Variants in CTCF observed in about 807,000 individuals in gnomAD.
The protein encoded by CTCF is CCCTC-binding factor.
Under a neutral mutation model 72.3 loss-of-function variants are expected in CTCF, and 7 were observed. The observed-to-expected ratio is 0.10, with a 90% CI of 0.06 to 0.18. The LOEUF (loss-of-function observed/expected upper bound fraction) is 0.18, where lower values mean the gene tolerates loss of function less well. Ranked by LOEUF, CTCF falls within the 10% of genes least tolerant of loss-of-function variation. The pLI is 1.00. For synonymous variants in CTCF, 374 were observed against 315.8 expected (o/e 1.18, Z -1.95); for missense variants, 516 against 949.1 (o/e 0.54, Z 6.00).
chr16:67,620,931 A>G (rs558810821), intron 6 of CTCF, 114 bp downstream of exon 6: 2 of 803,536 alleles, frequency 2.5e-6, no homozygotes, highest in Non-Finnish European at 3.6e-6. Flanking sequence ...CTGGCATGAA[A>G]ATAGTATGGA....
Position 67,572,805 on chromosome 16 carries a change from T to C in CTCF, c.-10+1541T>C, listed in dbSNP as rs1183594231. ...AAATATAAAAACTAGCCGAGTGTGG[T>C]GGTGGGTGCCTGTAATCCCAGCTAC... On this transcript the variant is annotated intron_variant, in intron 2 of 11. Transcript: ENST00000264010. 2.7e-5 allele frequency among the ~76,000 whole-genome samples: 4 copies of C among 148,942 alleles called. No homozygotes were observed. The Admixed American group carries it at 2.7e-4, about 10-fold the overall frequency.
At position 67,584,337 on chromosome 16, in the gene CTCF, C is replaced by CTTCTTTTTT. The variant is rs1462998203; in HGVS notation, c.-10+13075_-10+13076insCTTTTTTTT. ...CTCCTTCTCAAAAAAAAAAAGTCTT[C>CTTCTTTTTT]TTTTTTTTTTTTTTTTTTTTTGAGA... On this transcript the variant is annotated intron_variant, in intron 2 of 11. Coordinates refer to ENST00000264010, the MANE Select transcript of CTCF (RefSeq NM_006565.4). Among the ~76,000 whole-genome samples the CTTCTTTTTT allele has an allele frequency of 7.1e-4, 75 of 105,840 alleles. 2 individuals are homozygous for CTTCTTTTTT. Among genetic ancestry groups the CTTCTTTTTT allele is most frequent in the Non-Finnish European group, 1.0e-3 (55 of 54,318 alleles). The allele number at this position is 105,840 out of a possible 152,430, so 69.4% of individuals were successfully genotyped here.
chr16:67,621,580 A>G lies in CTCF; in HGVS notation c.1346A>G (p.Lys449Arg). 1.9e-6 allele frequency: 3 copies of G among 1,605,300 alleles called. No homozygotes were observed. The highest frequency in any genetic ancestry group is 2.6e-6 in the Non-Finnish European group (3 of 1,172,816). ...CPHCDTVIAR[K>R]SDLGVHLRKQ... The stretch of plus-strand genomic sequence containing the variant: ...CACTGTGACACAGTCATAGCCCGAA[A>G]AAGTGATTTGGGTAAGTAGATTAAC... Residue 449 changes from lysine to arginine, a missense_variant, in exon 7 of 12, where the codon AAA (lysine) becomes AGA (arginine). Lys to Arg is a conservative substitution (Grantham distance 26, BLOSUM62 2). This residue lies in a region of CTCF where 81 missense variants were observed against 184.3 expected (regional missense o/e 0.44). Coordinates refer to ENST00000264010, the MANE Select transcript of CTCF (RefSeq NM_006565.4).
rs111735986 is a variant in CTCF at position 67,610,546 on chromosome 16, G to A, written c.-9-278G>A. 4,314 of 160,470 alleles carry A rather than the reference G, an allele frequency of 0.027. 226 individuals are homozygous for A. The highest frequency in any genetic ancestry group is 0.098 in the African/African-American group (4,073 of 41,664). 9.9% of individuals were successfully genotyped at this position (160,470 alleles called of 1,614,324 possible). A position where few individuals can be genotyped will look rare whatever the true frequency, so the allele number is the denominator to read the frequency against. ...TTTTTTTGTATTTTTAGTAGAGACG[G>A]GGTTTCACCGTGTTAGCCAGGATGT... On this transcript the variant is annotated intron_variant, in intron 2 of 11. Coordinates refer to ENST00000264010, the MANE Select transcript of CTCF (RefSeq NM_006565.4).
intron 2 of CTCF, among the ~76,000 whole-genome samples, chr16:67,597,342 T>G (rs1417129037): frequency 1.4e-5 from 2 of 143,610 alleles, no homozygotes; most frequent in Non-Finnish European, 3.0e-5. Context: ...CCACTAATGC[T>G]TTTTTTTTTT....
chr16:67,580,331 T>TCCTGAGTA (rs1301554946), intron 2 of CTCF, among the ~76,000 whole-genome samples: 1 of 151,926 alleles, frequency 6.6e-6, no homozygotes, highest in Non-Finnish European at 1.5e-5. Context: ...GGCCTCAAGC[T>TCCTGAGTA]CCTGAGTAGC....
intron 4 of CTCF, chr16:67,612,588 TAAAAA>T (rs971891665): frequency 6.9e-6 from 1 of 144,830 alleles, no homozygotes; most frequent in Non-Finnish European, 1.5e-5. Context: ...AGTCTCCGTC[TAAAAA>T]AAAAGAAAAG....
intron 10 of CTCF, among the ~76,000 whole-genome samples, chr16:67,636,395 A>G (rs35756542): frequency 2.0e-5 from 3 of 150,628 alleles, no homozygotes; most frequent in East Asian, 3.9e-4. Context: ...GAAGGAAAAA[A>G]AAATTACCTG....
At chr16:67,607,973 C>G (rs1320093125) in intron 2 of CTCF, among the ~76,000 whole-genome samples, 1 of 145,386 alleles carries the variant, frequency 6.9e-6, no homozygotes, top group Non-Finnish European at 1.5e-5. Flanking sequence ...GAGCCAAGAT[C>G]ACGCCATTGC....
intron 2 of CTCF, among the ~76,000 whole-genome samples, chr16:67,574,867 C>T (rs2051474061): frequency 6.7e-6 from 1 of 150,136 alleles, no homozygotes; most frequent in Non-Finnish European, 1.5e-5. Flanking sequence ...CCTTGTCAGC[C>T]AGGATGGTCT....
chr16:67,597,085 G>A (rs1369887565), intron 2 of CTCF, among the ~76,000 whole-genome samples: 2 of 152,082 alleles, frequency 1.3e-5, no homozygotes, highest in Non-Finnish European at 2.9e-5. Flanking sequence ...CCAGGCTGGA[G>A]TACAATGGCA....
chr16:67,574,723 A>G (rs12917971), intron 2 of CTCF, among the ~76,000 whole-genome samples: 88 of 140,772 alleles, frequency 6.3e-4, no homozygotes, highest in Admixed American at 1.2e-3. Flanking sequence ...CAGTGGTGCA[A>G]TCTTGGCTCA....
intron 2 of CTCF, among the ~76,000 whole-genome samples, chr16:67,592,882 C>T (rs1445994854): frequency 4.0e-5 from 6 of 151,444 alleles, no homozygotes; most frequent in African/African-American, 4.9e-5. Context: ...CAAAAATTAG[C>T]GGGGCACAGT....
Position 67,587,100 on chromosome 16 carries a change from ATTT to A in CTCF, c.-10+15857_-10+15859del, listed in dbSNP as rs754060008. 4.9e-4 allele frequency among the ~76,000 whole-genome samples: 48 copies of A among 98,734 alleles called. 1 individual carries two copies. Among genetic ancestry groups the A allele is most frequent in the African/African-American group, 1.4e-3 (39 of 27,166 alleles). 64.8% of individuals were successfully genotyped at this position (98,734 alleles called of 152,430 possible). On this transcript the variant is annotated intron_variant, in intron 2 of 11. Coordinates refer to ENST00000264010, the MANE Select transcript of CTCF (RefSeq NM_006565.4). ...TTTTAGGGTAGGTAACTTCTTAAAC[ATTT>A]TTTTTTTTTTTTTTTTTTTTGGAGA... is the stretch of plus-strand genomic sequence containing the variant.
intron 2 of CTCF, among the ~76,000 whole-genome samples, chr16:67,591,048 T>G (rs1040002140): frequency 4.0e-5 from 6 of 150,650 alleles, no homozygotes; most frequent in African/African-American, 1.5e-4. Context: ...ATCCCAGCAC[T>G]TTGGGAGGCC....
At chr16:67,631,056 G>A (rs747764780) in intron 10 of CTCF, among the ~76,000 whole-genome samples, 18 of 152,048 alleles carry the variant, frequency 1.2e-4, no homozygotes. Context: ...TTTTGCACTG[G>A]TTGTCAGTAG....
At chr16:67,626,044 C>T (rs1371181371) in intron 7 of CTCF, among the ~76,000 whole-genome samples, 3 of 152,124 alleles carry the variant, frequency 2.0e-5, no homozygotes, top group Admixed American at 6.6e-5. Context: ...CCACCATCTT[C>T]TCCCACCTAT....
chr16:67,604,830 T>C lies in CTCF; in HGVS notation c.-9-5994T>C, dbSNP rs377728113. Reference sequence around the variant, plus strand: ...ATGTGGCTTATGTTTGTGGCTTGCATTATATTTCTATTGAACAGTGCCAGC... The same window carrying C: ...ATGTGGCTTATGTTTGTGGCTTGCACTATATTTCTATTGAACAGTGCCAGC... On this transcript the variant is annotated intron_variant, in intron 2 of 11. Transcript: ENST00000264010. Among the ~76,000 whole-genome samples, 16 of 151,216 alleles carry C rather than the reference T, an allele frequency of 1.1e-4. 1 individual carries two copies. In the South Asian group the frequency reaches 3.3e-3, roughly 32 times the overall value.
chr16:67,637,357 C>G (rs2052444855), intron 11 of CTCF, among the ~76,000 whole-genome samples: 1 of 152,110 alleles, frequency 6.6e-6, no homozygotes, highest in Non-Finnish European at 1.5e-5. Flanking sequence ...CATGGTGAAA[C>G]CCCATCTCTG....
Sources: allele counts gnomAD v4.1 joint callset (sites outside exome capture counted in the v4.1 genomes callset), GRCh38; gene constraint gnomAD v4.1.1; regional missense constraint gnomAD v4.1.1; transcripts MANE v1.5; gene names NCBI Gene and HGNC (gene_info 2026-07-23, HGNC 2026-07-21).